Variants in RBFOX1 observed in about 807,000 individuals in gnomAD.
The protein encoded by RBFOX1 is RNA binding protein fox-1 homolog 1.
In RBFOX1, 8 loss-of-function variants were observed where a neutral mutation model predicts 57.7. That is an observed-to-expected ratio of 0.14 (90% CI 0.08 to 0.25). RBFOX1 has a LOEUF of 0.25. Among genes scored for constraint, RBFOX1 ranks in the 10% least tolerant of loss-of-function variants. RBFOX1 has a pLI of 1.00. For missense variants in RBFOX1, 611 were observed against 548.5 expected, an observed-to-expected ratio of 1.11 and a Z score of -1.14; for synonymous variants, 326 against 222.4, an observed-to-expected ratio of 1.47 and a Z score of -4.15.
chr16:6,742,542 G>A (rs1173544514), intron 3 of RBFOX1, among the ~76,000 whole-genome samples: 3 of 152,128 alleles, frequency 2.0e-5, no homozygotes, highest in Non-Finnish European at 1.5e-5. Context: ...CACAATTATT[G>A]TCAGCAGTTT....
chr16:6,073,042 C>G (rs1363051452), intron 1 of RBFOX1, among the ~76,000 whole-genome samples: 1 of 152,166 alleles, frequency 6.6e-6, no homozygotes, highest in Non-Finnish European at 1.5e-5. Context: ...ATGGACATAT[C>G]TCAGACACAT....
chr16:6,319,590 C>G (rs1478301668), intron 2 of RBFOX1, among the ~76,000 whole-genome samples: 1 of 152,110 alleles, frequency 6.6e-6, no homozygotes, highest in Non-Finnish European at 1.5e-5. Flanking sequence ...GTTTCTATTC[C>G]CCAATACTCT....
intron 1 of RBFOX1, among the ~76,000 whole-genome samples, chr16:6,207,759 G>C (rs2097264739): frequency 6.6e-6 from 1 of 152,022 alleles, no homozygotes; most frequent in Non-Finnish European, 1.5e-5. Context: ...GCGCATGTAA[G>C]TAACTGTAGC....
At chr16:5,669,631 G>T (rs540441461) in intron 3 of RBFOX1, among the ~76,000 whole-genome samples, 1 of 152,078 alleles carries the variant, frequency 6.6e-6, no homozygotes, top group East Asian at 1.9e-4. Context: ...TGTTGGCCAG[G>T]ATGGTCTTGT....
chr16:5,586,532 C>G (rs897370545), intron 2 of RBFOX1, among the ~76,000 whole-genome samples: 3 of 152,208 alleles, frequency 2.0e-5, no homozygotes, highest in Non-Finnish European at 4.4e-5. Context: ...AGGTTTCACT[C>G]TGTCTCCCAG....
chr16:6,928,107 C>G (rs766924423), intron 3 of RBFOX1, among the ~76,000 whole-genome samples: 1 of 152,118 alleles, frequency 6.6e-6, no homozygotes, highest in South Asian at 2.1e-4. Flanking sequence ...TCCCTTCAGT[C>G]CCTTCGGCAG....
chr16:6,194,364 A>C (rs921054106), intron 1 of RBFOX1, among the ~76,000 whole-genome samples: 2 of 152,124 alleles, frequency 1.3e-5, no homozygotes, highest in Non-Finnish European at 2.9e-5. Context: ...CTCATGCTTG[A>C]AAATAAAAAT....
At chr16:6,183,825 G>C (rs1189278104) in intron 1 of RBFOX1, among the ~76,000 whole-genome samples, 2 of 152,190 alleles carry the variant, frequency 1.3e-5, no homozygotes, top group Non-Finnish European at 2.9e-5. Flanking sequence ...GTAGAAGCTA[G>C]GAGGGGACTG....
intron 2 of RBFOX1, among the ~76,000 whole-genome samples, chr16:6,337,630 C>G (rs1371724335): frequency 1.3e-5 from 2 of 152,184 alleles, no homozygotes; most frequent in Non-Finnish European, 2.9e-5. Flanking sequence ...TGCTGTCAAG[C>G]AGCAAGCACT....
chr16:6,710,318 T>C (rs1181738246), intron 3 of RBFOX1, among the ~76,000 whole-genome samples: 1 of 152,260 alleles, frequency 6.6e-6, no homozygotes, highest in Non-Finnish European at 1.5e-5. Context: ...TTTTAATGAC[T>C]GCATTTTTTA....
intron 2 of RBFOX1, among the ~76,000 whole-genome samples, chr16:6,377,045 G>A (rs935774055): frequency 6.6e-6 from 1 of 151,964 alleles, no homozygotes; most frequent in Non-Finnish European, 1.5e-5. Flanking sequence ...GCTGAGGCAG[G>A]TGGATCACTT....
intron 1 of RBFOX1, among the ~76,000 whole-genome samples, chr16:6,245,837 A>C (rs1468192424): frequency 6.6e-6 from 1 of 152,222 alleles, no homozygotes; most frequent in Non-Finnish European, 1.5e-5. Context: ...TTCCTTGGTC[A>C]TTCCCTGCCT....
At chr16:6,106,463 TCTC>T in intron 1 of RBFOX1, among the ~76,000 whole-genome samples, 1 of 22,350 alleles carries the variant, frequency 4.5e-5, no homozygotes, top group African/African-American at 2.8e-4. Context: ...TGAGTATCTG[TCTC>T]AAAAATAAAA....
intron 3 of RBFOX1, among the ~76,000 whole-genome samples, chr16:5,668,845 A>C (rs1379165879): frequency 6.6e-6 from 1 of 152,136 alleles, no homozygotes; most frequent in African/African-American, 2.4e-5. Flanking sequence ...TGGGTGGAGC[A>C]CACTTTTGAC....
chr16:7,263,207 G>A (rs1279639071), intron 4 of RBFOX1, among the ~76,000 whole-genome samples: 1 of 152,134 alleles, frequency 6.6e-6, no homozygotes, highest in African/African-American at 2.4e-5. Context: ...AGAGCCGTGA[G>A]TTACTTTGCT....
intron 4 of RBFOX1, among the ~76,000 whole-genome samples, chr16:7,211,081 C>T (rs1333521230): frequency 1.2e-5 from 1 of 86,658 alleles, no homozygotes; most frequent in East Asian, 2.7e-4. Flanking sequence ...TAGATACATA[C>T]ACTTAAAAAA....
intron 2 of RBFOX1, among the ~76,000 whole-genome samples, chr16:5,560,420 G>T (rs1256107277): frequency 6.6e-6 from 1 of 152,094 alleles, no homozygotes; most frequent in Non-Finnish European, 1.5e-5. Context: ...CCAAGTTTGA[G>T]ATGGCTTCTC....
intron 2 of RBFOX1, among the ~76,000 whole-genome samples, chr16:6,638,411 C>G (rs1344463714): frequency 6.6e-6 from 1 of 152,020 alleles, no homozygotes; most frequent in Non-Finnish European, 1.5e-5. Flanking sequence ...GTAGTTATTT[C>G]TCAGGTGAGT....
chr16:5,587,550 TA>T (rs1323199165), intron 2 of RBFOX1, among the ~76,000 whole-genome samples: 1 of 152,090 alleles, frequency 6.6e-6, no homozygotes, highest in African/African-American at 2.4e-5. Context: ...CCGTCTCTAC[TA>T]AAAATACAAA....
Sources: allele counts gnomAD v4.1 joint callset (sites outside exome capture counted in the v4.1 genomes callset), GRCh38; gene constraint gnomAD v4.1.1; transcripts MANE v1.5; gene names NCBI Gene and HGNC (gene_info 2026-07-23, HGNC 2026-07-21).